TST: variants seen among roughly 807,000 people sequenced by gnomAD.
TST encodes thiosulfate sulfurtransferase, also known as epididymis secretory sperm binding protein.
Under a neutral mutation model 20.4 loss-of-function variants are expected in TST, and 22 were observed. The observed-to-expected ratio is 1.08, with a 90% CI of 0.77 to 1.54. The LOEUF (loss-of-function observed/expected upper bound fraction) is 1.54. Ranked by LOEUF, TST falls within the 40% of genes most tolerant of loss-of-function variation. The pLI, the probability that TST is intolerant of heterozygous loss-of-function variation, is 0.00. For missense variants in TST, 392 were observed against 405.2 expected, an observed-to-expected ratio of 0.97 and a Z score of 0.28; for synonymous variants, 187 against 173.8, an observed-to-expected ratio of 1.08 and a Z score of -0.60.
At position 37,012,833 on chromosome 22, in the gene TST, C is replaced by T. The variant is rs188151958; in HGVS notation, c.596-1508G>A. Reference sequence around the variant, plus strand: ...GGCTGAGGTGGGTGGATCACAAGGTCAGTTCAAGACCAGCCTGGTCAACAT... The same window carrying T: ...GGCTGAGGTGGGTGGATCACAAGGTTAGTTCAAGACCAGCCTGGTCAACAT... On this transcript the variant is annotated intron_variant, in intron 2 of 2. Coordinates refer to ENST00000249042, the MANE Select transcript of TST (RefSeq NM_003312.6). 2.8e-3 allele frequency among the ~76,000 whole-genome samples: 423 copies of T among 152,268 alleles called. 2 individuals are homozygous for T. The highest frequency in any genetic ancestry group is 3.9e-3 in the Non-Finnish European group (262 of 68,014).
At chr22:37,012,499 T>C (rs775250765) in intron 2 of TST, among the ~76,000 whole-genome samples, 4 of 152,220 alleles carry the variant, frequency 2.6e-5, no homozygotes, top group Non-Finnish European at 4.4e-5. Context: ...GGGGGCTCTA[T>C]GGTTGGCCCC....
At chr22:37,011,465 A>G (rs1922478860) in intron 2 of TST, 140 bp from the exon 3 acceptor site, 4 of 932,350 alleles carry the variant, frequency 4.3e-6, no homozygotes, top group East Asian at 5.3e-5. Flanking sequence ...TTGGAGCTCA[A>G]TTTATTCCCA....
intron 1 of TST, chr22:37,019,019 T>C: frequency 2.9e-6 from 1 of 348,636 alleles, no homozygotes; most frequent in Non-Finnish European, 5.2e-6. Flanking sequence ...GTAGGGGCGC[T>C]TCCTGGGGCG....
At chr22:37,014,304 A>G (rs992634640) in intron 2 of TST, among the ~76,000 whole-genome samples, 14 of 152,318 alleles carry the variant, frequency 9.2e-5, no homozygotes, top group Admixed American at 7.2e-4. Context: ...CAGGAGGCGG[A>G]GCTTAAAATG....
chr22:37,016,092 T>C (rs5756485), intron 2 of TST, among the ~76,000 whole-genome samples: 70,176 of 151,234 alleles, frequency 0.46, 16,498 homozygotes, highest in East Asian at 0.61. Flanking sequence ...TACAGGCACG[T>C]ACCACCAACG....
At chr22:37,012,134 G>T (rs182959969) in intron 2 of TST, among the ~76,000 whole-genome samples, 20 of 152,320 alleles carry the variant, frequency 1.3e-4, no homozygotes, top group African/African-American at 4.3e-4. Flanking sequence ...CAAGGAAAGC[G>T]CTGGCTTTGG....
chr22:37,015,573 G>A (rs1017522824), intron 2 of TST, among the ~76,000 whole-genome samples: 5 of 152,252 alleles, frequency 3.3e-5, no homozygotes, highest in African/African-American at 9.6e-5. Context: ...CAGCCAAAGA[G>A]GAAGGCGCTT....
chr22:37,011,729 A>C (rs1331419151), intron 2 of TST, among the ~76,000 whole-genome samples: 3 of 152,236 alleles, frequency 2.0e-5, no homozygotes, highest in Non-Finnish European at 4.4e-5. Flanking sequence ...ACTTATTGCA[A>C]ATGCTATGTG....
chr22:37,018,498 C>A lies in TST; in HGVS notation c.235G>T (p.Ala79Ser), dbSNP rs895535005. 1.2e-5 allele frequency: 19 copies of A among 1,606,114 alleles called. No homozygotes were observed. The highest frequency in any genetic ancestry group is 2.7e-5 in the African/African-American group (2 of 74,790). The change falls in exon 2 of 3, where the codon GCT becomes TCT. Residue 79 changes from alanine to serine, a missense_variant. Physicochemically the swap from Ala to Ser is moderately conservative, Grantham distance 99 (BLOSUM62 1). Transcript: ENST00000249042. Reference sequence around the variant, plus strand: ...CGGCCCACATACTCGGCGAAGCCAGCCTCGCTGGGCAGCATCATCTCGTAG... The same window carrying A: ...CGGCCCACATACTCGGCGAAGCCAGACTCGCTGGGCAGCATCATCTCGTAG... The part of the protein sequence containing the change: ...SPYEMMLPSE[A>S]GFAEYVGRLG...
chr22:37,013,755 G>A lies in TST; in HGVS notation c.596-2430C>T, dbSNP rs189270349. Among the ~76,000 whole-genome samples, 545 of 152,294 alleles carry A rather than the reference G, an allele frequency of 3.6e-3. 6 individuals carry two copies. The highest frequency in any genetic ancestry group is 5.3e-3 in the Non-Finnish European group (363 of 68,038). ...GAGGAACAATGGATCAGCTGGCATC[G>A]AGGGCATTCTTTCCCAAGAAACCCA... On this transcript the variant is annotated intron_variant, in intron 2 of 2. Transcript: ENST00000249042.
chr22:37,017,266 TC>T (rs1346102307), intron 2 of TST, among the ~76,000 whole-genome samples: 1 of 152,102 alleles, frequency 6.6e-6, no homozygotes, highest in African/African-American at 2.4e-5. Context: ...CCTGAGGCTC[TC>T]CCCAACCCTC....
rs34639542 is a variant in TST, at chr22:37,012,335, G to A, written c.596-1010C>T. ...GTCTCAGTACCCAGTGAGGGCCCTC[G>A]GCCAAATCTGGCTTCAGAAGAGCCA... is the stretch of plus-strand genomic sequence containing the variant. On this transcript the variant is annotated intron_variant, in intron 2 of 2. Coordinates refer to ENST00000249042, the MANE Select transcript of TST (RefSeq NM_003312.6). Among the ~76,000 whole-genome samples the A allele has an allele frequency of 7.6e-3, 1,161 of 152,280 alleles. 59 individuals are homozygous for A. The East Asian group carries it at 0.14, about 19-fold the overall frequency.
At chr22:37,015,388 C>T (rs1488601276) in intron 2 of TST, among the ~76,000 whole-genome samples, 1 of 152,234 alleles carries the variant, frequency 6.6e-6, no homozygotes, top group African/African-American at 2.4e-5. Flanking sequence ...TGGATAAACT[C>T]CTACTCTGCC....
In TST at chr22:37,018,458, T is replaced by C; in HGVS notation, c.275A>G (p.Asn92Ser). The change falls in exon 2 of 3, where the codon AAC becomes AGC. Residue 92 changes from asparagine (N) to serine (S), a missense_variant. Asn to Ser is a conservative substitution (Grantham distance 46). Coordinates refer to ENST00000249042, the MANE Select transcript of TST (RefSeq NM_003312.6). Reference protein sequence around the residue: ...AEYVGRLGISNHTHVVVYDGE... With the variant: ...AEYVGRLGISSHTHVVVYDGE... ...ATCATACACCACCACGTGCGTGTGGTTGCTGATGCCCAGGCGGCCCACATA... is the reference window on the plus strand; with the variant it reads ...ATCATACACCACCACGTGCGTGTGGCTGCTGATGCCCAGGCGGCCCACATA... 2 of 1,612,756 alleles carry C rather than the reference T, an allele frequency of 1.2e-6. No homozygotes were observed. Among genetic ancestry groups the C allele is most frequent in the Non-Finnish European group, 1.7e-6 (2 of 1,179,786 alleles).
At chr22:37,016,797 TG>T (rs1469467452) in intron 2 of TST, among the ~76,000 whole-genome samples, 6 of 152,132 alleles carry the variant, frequency 3.9e-5, no homozygotes, top group African/African-American at 1.2e-4. Context: ...AAGAAAAATA[TG>T]GGGCCTGGAA....
intron 2 of TST, among the ~76,000 whole-genome samples, chr22:37,017,475 G>A (rs1223840212): frequency 2.6e-5 from 4 of 152,202 alleles, no homozygotes; most frequent in African/African-American, 9.7e-5. Flanking sequence ...ACCACTTTAT[G>A]TCCTGGCATC....
Position 37,014,910 on chromosome 22 carries a change from C to T in TST, c.595+3228G>A, listed in dbSNP as rs191944904. 7.9e-5 allele frequency among the ~76,000 whole-genome samples: 12 copies of T among 152,276 alleles called. No homozygotes were observed. In the East Asian group the frequency reaches 2.3e-3, roughly 29 times the overall value. On this transcript the variant is annotated intron_variant, in intron 2 of 2. Transcript: ENST00000249042. Reference sequence around the variant, plus strand: ...CAGAAGGCAACCCCTTAACCCTAGCCAGGAAGAGGCAGCCCTGCACCTTCC... The same window carrying T: ...CAGAAGGCAACCCCTTAACCCTAGCTAGGAAGAGGCAGCCCTGCACCTTCC...
At chr22:37,015,294 C>T (rs1053261714) in intron 2 of TST, among the ~76,000 whole-genome samples, 4 of 152,234 alleles carry the variant, frequency 2.6e-5, no homozygotes, top group Non-Finnish European at 2.9e-5. Context: ...TGCTCATTAG[C>T]GGGTCGATAC....
At chr22:37,012,498 A>G (rs1922514522) in intron 2 of TST, among the ~76,000 whole-genome samples, 1 of 152,168 alleles carries the variant, frequency 6.6e-6, no homozygotes, top group African/African-American at 2.4e-5. Flanking sequence ...TGGGGGCTCT[A>G]TGGTTGGCCC....
Sources: allele counts gnomAD v4.1 joint callset (sites outside exome capture counted in the v4.1 genomes callset), GRCh38; gene constraint gnomAD v4.1.1; transcripts MANE v1.5; gene names NCBI Gene and HGNC (gene_info 2026-07-23, HGNC 2026-07-21).